Variants in ARHGAP35 observed in about 807,000 individuals in gnomAD.
The protein encoded by ARHGAP35 is Rho GTPase activating protein 35.
A neutral mutation model predicts 111.1 loss-of-function variants in ARHGAP35; 15 were observed. The ratio of observed to expected loss-of-function variants is 0.13; its 90% confidence interval spans 0.09 to 0.21. The LOEUF (loss-of-function observed/expected upper bound fraction) is 0.21, where lower values mean the gene tolerates loss of function less well. ARHGAP35 is among the 10% of genes least tolerant of loss of function. The pLI, the probability that ARHGAP35 is intolerant of heterozygous loss-of-function variation, is 1.00. For missense variants in ARHGAP35, 1,262 were observed against 1,873.0 expected (o/e 0.67, Z 6.02); for synonymous variants, 643 against 710.3 (o/e 0.91, Z 1.51).
At chr19:46,998,743 G>C (rs551240111) in intron 5 of ARHGAP35, among the ~76,000 whole-genome samples, 19 of 152,346 alleles carry the variant, frequency 1.2e-4, no homozygotes, top group African/African-American at 4.6e-4. Context: ...GGGGGAAAAG[G>C]GGGTGCGTAG....
At chr19:46,866,596 G>C (rs965740524) in intron 1 of ARHGAP35, among the ~76,000 whole-genome samples, 2 of 152,138 alleles carry the variant, frequency 1.3e-5, no homozygotes, top group Middle Eastern at 3.2e-3. Context: ...CCAAGTTAGA[G>C]TTGGAGCTTA....
chr19:46,882,282 A>G (rs1299611550), intron 1 of ARHGAP35, among the ~76,000 whole-genome samples: 5 of 147,704 alleles, frequency 3.4e-5, no homozygotes, highest in African/African-American at 1.2e-4. Context: ...TTGCAGGCAT[A>G]TGCCACCATC....
At chr19:46,973,232 G>A (rs1354447157) in intron 3 of ARHGAP35, among the ~76,000 whole-genome samples, 2 of 152,116 alleles carry the variant, frequency 1.3e-5, no homozygotes, top group Non-Finnish European at 2.9e-5. Flanking sequence ...GCGTGGTGGT[G>A]GGCACCTGTA....
At chr19:46,938,509 C>G (rs1372218718) in intron 3 of ARHGAP35, among the ~76,000 whole-genome samples, 1 of 150,564 alleles carries the variant, frequency 6.6e-6, no homozygotes, top group African/African-American at 2.4e-5. Context: ...CCCGCCATGA[C>G]GCCCAACTAA....
intron 5 of ARHGAP35, chr19:46,997,595 G>A (rs1222316009): frequency 6.6e-6 from 1 of 152,222 alleles, no homozygotes; most frequent in Non-Finnish European, 1.5e-5. Flanking sequence ...GTTGACGCGA[G>A]AGGCCGGATT....
intron 3 of ARHGAP35, among the ~76,000 whole-genome samples, chr19:46,980,626 G>T (rs534298883): frequency 6.6e-6 from 1 of 152,362 alleles, no homozygotes; most frequent in Non-Finnish European, 1.5e-5. Flanking sequence ...AATAGGTCAT[G>T]CCTACAGGCA....
At chr19:46,903,204 AC>A (rs1338192407) in intron 1 of ARHGAP35, among the ~76,000 whole-genome samples, 1 of 152,084 alleles carries the variant, frequency 6.6e-6, no homozygotes, top group African/African-American at 2.4e-5. Context: ...TGAGACACCT[AC>A]TCATCCCCAA....
intron 1 of ARHGAP35, among the ~76,000 whole-genome samples, chr19:46,874,308 A>C (rs1230525569): frequency 4.6e-5 from 7 of 152,112 alleles, no homozygotes; most frequent in Non-Finnish European, 1.0e-4. Context: ...CAAGGAACAC[A>C]CTGTTTCTTT....
At position 46,861,075 on chromosome 19, in the gene ARHGAP35, C is replaced by T. The variant is rs1310660240; in HGVS notation, c.-323C>T. ...AGGGAACCCGCGAGGGAGGGTCCGC[C>T]CGGCCCCCCGCCGCCGGAGCCGCCG... On this transcript the variant is annotated 5_prime_UTR_variant, in exon 1 of 7. Coordinates refer to ENST00000672722, the MANE Select transcript of ARHGAP35 (RefSeq NM_004491.5). Among the ~76,000 whole-genome samples, 2 of 151,020 alleles carry T rather than the reference C, an allele frequency of 1.3e-5. No individual in the cohort carries two copies. Among genetic ancestry groups the T allele is most frequent in the Admixed American group, 1.3e-4 (2 of 15,230 alleles).
At chr19:46,910,853 A>C (rs1221269438) in intron 1 of ARHGAP35, among the ~76,000 whole-genome samples, 1 of 152,110 alleles carries the variant, frequency 6.6e-6, no homozygotes, top group Non-Finnish European at 1.5e-5. Context: ...AGCCTCCCAA[A>C]GTGTAGGGAT....
chr19:46,888,361 CACA>C (rs1568461181), intron 1 of ARHGAP35, among the ~76,000 whole-genome samples: 6 of 136,228 alleles, frequency 4.4e-5, no homozygotes, highest in Middle Eastern at 3.8e-3. Flanking sequence ...CACACACACA[CACA>C]CCCCACAACA....
At chr19:46,952,747 C>T (rs568271483) in intron 3 of ARHGAP35, among the ~76,000 whole-genome samples, 3 of 152,332 alleles carry the variant, frequency 2.0e-5, no homozygotes, top group East Asian at 3.9e-4. Context: ...GATCTCAGCT[C>T]GCAGCGTGCA....
rs184913957 is a variant in ARHGAP35 at position 46,999,790 on chromosome 19, G to A, written c.4142+381G>A. ...TCTCCTGAATCAAAAACACCTCAGA[G>A]TCCCTGAAAGTCCTCTCACAGCATT... On this transcript the variant is annotated intron_variant, in intron 6 of 6. Transcript: ENST00000672722. This position sits in a 1 kb window ranked among gnomAD's most constrained non-coding sequence, Gnocchi z 5.4. The A allele has an allele frequency of 1.1e-4, 25 of 233,614 alleles. 1 individual carries two copies. The highest frequency in any genetic ancestry group is 1.0e-3 in the South Asian group (9 of 8,610). The allele number at this position is 233,614 out of a possible 1,614,324, so 14.5% of individuals were successfully genotyped here. A position where few individuals can be genotyped will look rare whatever the true frequency, so the allele number is the denominator to read the frequency against.
In ARHGAP35 at chr19:46,926,501, C is replaced by A. The variant is rs1411075923; in HGVS notation, c.3681+4145C>A. Among the ~76,000 whole-genome samples, 1 of 152,066 alleles carries A rather than the reference C, an allele frequency of 6.6e-6. No individual in the cohort carries two copies. Among genetic ancestry groups the A allele is most frequent in the African/African-American group, 2.4e-5 (1 of 41,422 alleles). On this transcript the variant is annotated intron_variant, in intron 2 of 6. Transcript: ENST00000672722. This position sits in a 1 kb window ranked among gnomAD's most constrained non-coding sequence, Gnocchi z 4.1. ...TAAAGCCAAAAAACAGGCTGGGGAG[C>A]CTTGTTCCACAAAGTATGCCTTTTG...
Position 46,947,094 on chromosome 19 carries a change from A to C in ARHGAP35, c.3826+9686A>C, listed in dbSNP as rs530503960. The C allele has an allele frequency of 8.5e-5, 13 of 152,344 alleles. No individual in the cohort carries two copies. The East Asian group carries it at 2.3e-3, about 27-fold the overall frequency. The allele number at this position is 152,344 out of a possible 1,614,324, so 9.4% of individuals were successfully genotyped here. The stretch of plus-strand genomic sequence containing the variant: ...AGAGAGAGGATCACGTGGTTGTAGG[A>C]AGACAAACTTCCAGATAACTCTTTA... On this transcript the variant is annotated intron_variant, in intron 3 of 6. Coordinates refer to ENST00000672722, the MANE Select transcript of ARHGAP35 (RefSeq NM_004491.5).
chr19:46,989,410 C>A lies in ARHGAP35; in HGVS notation c.3905-134C>A. 2 of 1,186,132 alleles carry A rather than the reference C, an allele frequency of 1.7e-6. No homozygotes were observed. The highest frequency in any genetic ancestry group is 2.3e-6 in the Non-Finnish European group (2 of 853,504). The allele number at this position is 1,186,132 out of a possible 1,614,324, so 73.5% of individuals were successfully genotyped here. A position where few individuals can be genotyped will look rare whatever the true frequency, so the allele number is the denominator to read the frequency against. On this transcript the variant is annotated intron_variant, in intron 4 of 6. Coordinates refer to ENST00000672722, the MANE Select transcript of ARHGAP35 (RefSeq NM_004491.5). This position sits in a 1 kb window ranked among gnomAD's most constrained non-coding sequence, Gnocchi z 5.3. ...CGCGTTAGCGCTCACAAGTCCCACC[C>A]CTCCAATCCTTGCCAGTCCTGAGGC...
At chr19:46,930,411 C>T (rs1458540047) in intron 2 of ARHGAP35, among the ~76,000 whole-genome samples, 3 of 149,460 alleles carry the variant, frequency 2.0e-5, no homozygotes, top group Non-Finnish European at 4.4e-5. Context: ...CACCACCCCA[C>T]CTGCTTCCAG....
chr19:46,951,905 A>G (rs1232347248), intron 3 of ARHGAP35, among the ~76,000 whole-genome samples: 1 of 152,186 alleles, frequency 6.6e-6, no homozygotes, highest in Non-Finnish European at 1.5e-5. Context: ...GAATTGGTAC[A>G]ATTGGTTTAA....
At chr19:46,867,835 T>G (rs1446988772) in intron 1 of ARHGAP35, among the ~76,000 whole-genome samples, 2 of 152,110 alleles carry the variant, frequency 1.3e-5, no homozygotes, top group Non-Finnish European at 2.9e-5. Flanking sequence ...TTTAAATGCT[T>G]AGAGGGCATG....
Sources: allele counts gnomAD v4.1 joint callset (sites outside exome capture counted in the v4.1 genomes callset), GRCh38; gene constraint gnomAD v4.1.1; non-coding constraint Gnocchi (gnomAD v3.1); transcripts MANE v1.5; gene names NCBI Gene and HGNC (gene_info 2026-07-23, HGNC 2026-07-21).